The following COPG2 variants were observed in gnomAD, a reference collection of about 807,000 sequenced individuals.
COPG2 encodes coat protein complex I subunit gamma 2.
Under a neutral mutation model 46.3 loss-of-function variants are expected in COPG2, and 37 were observed. That is an observed-to-expected ratio of 0.80 (90% CI 0.61 to 1.05). The LOEUF (loss-of-function observed/expected upper bound fraction) is 1.05, where lower values mean the gene tolerates loss of function less well. Ranked by LOEUF, COPG2 falls within the 50% of genes least tolerant of loss-of-function variation. The pLI is 0.00. For missense variants in COPG2, 427 were observed against 387.8 expected (o/e 1.10, Z -0.85); for synonymous variants, 159 against 129.7 (o/e 1.23, Z -1.53).
intron 22 of COPG2, 143 bp downstream of exon 22, chr7:130,507,542 T>C: frequency 1.5e-6 from 1 of 658,802 alleles, no homozygotes. Flanking sequence ...ATCAATTAGA[T>C]GATGAAGACA....
intron 9 of COPG2, among the ~76,000 whole-genome samples, chr7:130,580,507 G>C (rs1359705051): frequency 2.5e-4 from 33 of 133,874 alleles, no homozygotes; most frequent in African/African-American, 7.6e-4. Context: ...GAGCAGAACT[G>C]AAGGAAATAG....
intron 5 of COPG2, among the ~76,000 whole-genome samples, chr7:130,630,517 G>T (rs1453205145): frequency 6.6e-6 from 1 of 152,074 alleles, no homozygotes; most frequent in Non-Finnish European, 1.5e-5. Flanking sequence ...TGTTCAAATT[G>T]TTTTTCCTTA....
At chr7:130,595,080 TATTC>T (rs1794502111) in intron 9 of COPG2, among the ~76,000 whole-genome samples, 1 of 152,184 alleles carries the variant, frequency 6.6e-6, no homozygotes, top group Admixed American at 6.5e-5. Context: ...ATAGCAGCAT[TATTC>T]ATTAATAGCC....
At chr7:130,603,877 ACT>A (rs1342972415) in intron 9 of COPG2, 1 of 518,808 alleles carries the variant, frequency 1.9e-6, no homozygotes, top group Non-Finnish European at 3.9e-6. Flanking sequence ...CCAAAATATC[ACT>A]AATAACCTAC....
intron 5 of COPG2, among the ~76,000 whole-genome samples, chr7:130,636,538 GTTTTTTTT>G (rs59688621): frequency 2.8e-4 from 26 of 94,116 alleles, no homozygotes; most frequent in Non-Finnish European, 4.5e-4. Context: ...ATTGCAACCG[GTTTTTTTT>G]TTTTTTTTTT....
chr7:130,516,279 A>G (rs941212120), intron 20 of COPG2, among the ~76,000 whole-genome samples: 4 of 152,174 alleles, frequency 2.6e-5, no homozygotes, highest in Non-Finnish European at 5.9e-5. Flanking sequence ...GTTAGATGCT[A>G]TCTAAGGGGA....
At chr7:130,593,381 A>G (rs1442877688) in intron 9 of COPG2, among the ~76,000 whole-genome samples, 2 of 152,230 alleles carry the variant, frequency 1.3e-5, no homozygotes, top group African/African-American at 4.8e-5. Context: ...GAAGAGGCAA[A>G]CTCCACTGAA....
At chr7:130,540,355 GAA>G (rs1242831086) in intron 20 of COPG2, among the ~76,000 whole-genome samples, 3 of 151,988 alleles carry the variant, frequency 2.0e-5, no homozygotes, top group African/African-American at 7.3e-5. Flanking sequence ...GAGAACTCGG[GAA>G]ACAAAGGGGG....
chr7:130,528,538 G>A lies in COPG2; in HGVS notation c.2149+19136C>T, dbSNP rs1010230900. Reference sequence around the variant, plus strand: ...AGGAGGTACCTGAGATCACGAATTAGGCCAGTGGGAGAATCACAGATCGTG... The same window carrying A: ...AGGAGGTACCTGAGATCACGAATTAAGCCAGTGGGAGAATCACAGATCGTG... On this transcript the variant is annotated intron_variant, in intron 20 of 23. Coordinates refer to ENST00000425248, the MANE Select transcript of COPG2 (RefSeq NM_012133.6). Among the ~76,000 whole-genome samples the A allele has an allele frequency of 1.3e-3, 200 of 152,236 alleles. 2 individuals are homozygous for A. The highest frequency in any genetic ancestry group is 4.6e-3 in the African/African-American group (189 of 41,518).
chr7:130,568,545 C>G lies in COPG2; in HGVS notation c.738-4152G>C, dbSNP rs914312469. On this transcript the variant is annotated intron_variant, in intron 9 of 23. Coordinates refer to ENST00000425248, the MANE Select transcript of COPG2 (RefSeq NM_012133.6). ...AATATATATGCACCTAACACTGGAGCTCCCAAATTTATAAAACAATTACTA... is the reference window on the plus strand; with the variant it reads ...AATATATATGCACCTAACACTGGAGGTCCCAAATTTATAAAACAATTACTA... Among the ~76,000 whole-genome samples, 4 of 152,058 alleles carry G rather than the reference C, an allele frequency of 2.6e-5. No individual in the cohort carries two copies. In the East Asian group the frequency reaches 5.8e-4, roughly 22 times the overall value.
intron 5 of COPG2, among the ~76,000 whole-genome samples, chr7:130,651,763 G>A (rs960626784): frequency 6.6e-6 from 1 of 151,416 alleles, no homozygotes; most frequent in East Asian, 1.9e-4. Flanking sequence ...TGATCCACCC[G>A]CCTCGGCCTC....
Position 130,616,979 on chromosome 7 carries a change from A to G in COPG2, c.399+11T>C, listed in dbSNP as rs201808675. ...GTTCCATTTGGTAACTCAGTGAAAC[A>G]GATAACTTACATCGGTGATCCTGCA... On this transcript the variant is annotated intron_variant, in intron 6 of 23. Coordinates refer to ENST00000425248, the MANE Select transcript of COPG2 (RefSeq NM_012133.6). The G allele has an allele frequency of 1.5e-5, 24 of 1,587,336 alleles. No individual in the cohort carries two copies. Among genetic ancestry groups the G allele is most frequent in the Non-Finnish European group, 1.7e-5 (20 of 1,158,468 alleles).
intron 9 of COPG2, among the ~76,000 whole-genome samples, chr7:130,576,706 GAACAAA>G (rs1794004601): frequency 1.3e-5 from 2 of 151,862 alleles, no homozygotes; most frequent in African/African-American, 4.8e-5. Flanking sequence ...AGAAAAACAA[GAACAAA>G]CCAAACCCAA....
At chr7:130,529,273 G>A (rs1474402883) in intron 20 of COPG2, among the ~76,000 whole-genome samples, 2 of 152,262 alleles carry the variant, frequency 1.3e-5, no homozygotes, top group East Asian at 3.9e-4. Context: ...CTTAGAAAGT[G>A]GCAGAGGAGG....
At position 130,577,967 on chromosome 7, in the gene COPG2, A is replaced by C. The variant is rs1444954452; in HGVS notation, c.738-13574T>G. Among the ~76,000 whole-genome samples the C allele has an allele frequency of 2.7e-5, 4 of 150,942 alleles. No homozygotes were observed. The South Asian group carries it at 6.2e-4, about 24-fold the overall frequency. On this transcript the variant is annotated intron_variant, in intron 9 of 23. Coordinates refer to ENST00000425248, the MANE Select transcript of COPG2 (RefSeq NM_012133.6). ...GGCTTGCTTAGGTAAACAAAGCAGC[A>C]GGGAAGCTCCAACTGGGTGGAGCCC...
At position 130,667,557 on chromosome 7, in the gene COPG2, A is replaced by C. The variant is rs1554461651; in HGVS notation, c.38-23T>G. 12 of 1,604,440 alleles carry C rather than the reference A, an allele frequency of 7.5e-6. No individual in the cohort carries two copies. In the African/African-American group the frequency reaches 8.0e-5, roughly 11 times the overall value. ...TACCTATTTATAAAACAAAACAAAA[A>C]AATGTCCTGAACAGCTGTTCTACAC... On this transcript the variant is annotated intron_variant, in intron 1 of 23. Coordinates refer to ENST00000425248, the MANE Select transcript of COPG2 (RefSeq NM_012133.6).
At chr7:130,645,121 A>G (rs1269101163) in intron 5 of COPG2, 5 of 432,886 alleles carry the variant, frequency 1.2e-5, no homozygotes, top group African/African-American at 1.1e-4. Context: ...TTTTCAGGTG[A>G]CTGGAAAAAG....
intron 9 of COPG2, among the ~76,000 whole-genome samples, chr7:130,590,640 C>G (rs1441939702): frequency 1.3e-5 from 2 of 152,044 alleles, no homozygotes; most frequent in African/African-American, 4.8e-5. Flanking sequence ...CCTTGGCCCC[C>G]CAAAGTGCTG....
Position 130,506,485 on chromosome 7 carries a change from G to GAA in COPG2, c.*189_*190dup, listed in dbSNP as rs61354155. On this transcript the variant is annotated 3_prime_UTR_variant, in exon 24 of 24. Transcript: ENST00000425248. The stretch of plus-strand genomic sequence containing the variant: ...CAAAGCTGACCAAGTAGAATAAAAA[G>GAA]AAAAAAAAAAAAAAACAACCCATGC... The GAA allele has an allele frequency of 3.1e-3, 1,017 of 325,990 alleles. No homozygotes were observed. The highest frequency in any genetic ancestry group is 6.1e-3 in the South Asian group (111 of 18,090). 20.2% of individuals were successfully genotyped at this position (325,990 alleles called of 1,614,324 possible).
Sources: allele counts gnomAD v4.1 joint callset (sites outside exome capture counted in the v4.1 genomes callset), GRCh38; gene constraint gnomAD v4.1.1; transcripts MANE v1.5; gene names NCBI Gene and HGNC (gene_info 2026-07-23, HGNC 2026-07-21).